The following CDH18 variants were observed in gnomAD, a reference collection of about 807,000 sequenced individuals.
CDH18 encodes the protein cadherin-18.
A neutral mutation model predicts 67.9 loss-of-function variants in CDH18; 31 were observed. The ratio of observed to expected loss-of-function variants is 0.46; its 90% CI spans 0.34 to 0.62. The LOEUF (loss-of-function observed/expected upper bound fraction) is 0.62, where lower values mean the gene tolerates loss of function less well. Among genes scored for constraint, CDH18 ranks in the 20% least tolerant of loss-of-function variants. The probability of loss-of-function intolerance (pLI) is 0.01; values close to 1 mark genes in which losing one functional copy is unlikely to be tolerated. For missense variants in CDH18, 890 were observed against 975.5 expected (o/e 0.91, Z 1.17); for synonymous variants, 362 against 347.2 (o/e 1.04, Z -0.48).
rs181860903 is a variant in CDH18 at position 20,164,253 on chromosome 5, C to A, written c.-518+91191G>T. On this transcript the variant is annotated intron_variant, in intron 2 of 14. Transcript: ENST00000507958. Reference sequence around the variant, plus strand: ...GAAAAGGAGCTAGTTTCTTAAATATCTTTCTAAATCATCCAGTATTTTGTT... The same window carrying A: ...GAAAAGGAGCTAGTTTCTTAAATATATTTCTAAATCATCCAGTATTTTGTT... Among the ~76,000 whole-genome samples, 335 of 152,184 alleles carry A rather than the reference C, an allele frequency of 2.2e-3. 2 individuals are homozygous for A. The highest frequency in any genetic ancestry group is 7.5e-3 in the African/African-American group (313 of 41,532).
Position 20,108,241 on chromosome 5 carries a change from G to C in CDH18, c.-517-116227C>G, listed in dbSNP as rs188698246. On this transcript the variant is annotated intron_variant, in intron 2 of 14. Coordinates refer to the CDH18 transcript ENST00000507958. ...ACTACAGGCATGTGCCACCACGCCC[G>C]GCTAATTTTATTTTATTTTTTTTTA... Among the ~76,000 whole-genome samples the C allele has an allele frequency of 2.1e-4, 32 of 150,266 alleles. 2 individuals are homozygous for C. In the East Asian group the frequency reaches 6.1e-3, roughly 28 times the overall value.
At chr5:20,525,553 A>G (rs1288315781) in intron 1 of CDH18, among the ~76,000 whole-genome samples, 1 of 152,050 alleles carries the variant, frequency 6.6e-6, no homozygotes, top group East Asian at 1.9e-4. Context: ...AAATGAGAAA[A>G]AGAGAAGGAG....
At chr5:19,817,670 G>C (rs1237506506) in intron 3 of CDH18, among the ~76,000 whole-genome samples, 2 of 151,990 alleles carry the variant, frequency 1.3e-5, no homozygotes, top group Non-Finnish European at 2.9e-5. Flanking sequence ...TACAACATTT[G>C]ATCATTCTAC....
intron 1 of CDH18, among the ~76,000 whole-genome samples, chr5:20,364,266 G>GAC (rs144767409): frequency 2.4e-3 from 360 of 149,586 alleles, no homozygotes; most frequent in African/African-American, 6.1e-3. Flanking sequence ...CACACACAGA[G>GAC]ACACACACAC....
At chr5:20,343,585 G>C (rs1291810713) in intron 1 of CDH18, among the ~76,000 whole-genome samples, 4 of 152,194 alleles carry the variant, frequency 2.6e-5, no homozygotes, top group Non-Finnish European at 5.9e-5. Context: ...AGAACAAGGA[G>C]TCCATAAAGC....
intron 6 of CDH18, among the ~76,000 whole-genome samples, chr5:19,597,384 C>T (rs1385152814): frequency 4.6e-5 from 7 of 152,178 alleles, no homozygotes; most frequent in Admixed American, 4.6e-4. Flanking sequence ...GAATGCTTTG[C>T]AACACAGGCA....
At chr5:19,580,688 T>A (rs770755457) in intron 7 of CDH18, among the ~76,000 whole-genome samples, 2 of 152,026 alleles carry the variant, frequency 1.3e-5, no homozygotes, top group Admixed American at 1.3e-4. Flanking sequence ...ATTGTTCCCA[T>A]CTACAAATGA....
intron 1 of CDH18, among the ~76,000 whole-genome samples, chr5:20,285,380 CATATAATATA>C (rs55913504): frequency 0.054 from 7,581 of 140,322 alleles, 338 homozygotes; most frequent in East Asian, 0.25. Context: ...GTAATATGGC[CATATAATATA>C]ATATAATATA....
At chr5:19,861,752 A>T in intron 2 of CDH18, among the ~76,000 whole-genome samples, 1 of 152,180 alleles carries the variant, frequency 6.6e-6, no homozygotes, top group East Asian at 1.9e-4. Context: ...TGAGGTGAAC[A>T]ACTGAAAAAA....
intron 4 of CDH18, among the ~76,000 whole-genome samples, chr5:19,741,960 A>G (rs1769266472): frequency 6.6e-6 from 1 of 152,192 alleles, no homozygotes; most frequent in Admixed American, 6.5e-5. Flanking sequence ...TTAATAGTGG[A>G]AAGATTGAAA....
chr5:19,991,220 G>T (rs1484315493), upstream of CDH18, among the ~76,000 whole-genome samples: 1 of 152,076 alleles, frequency 6.6e-6, no homozygotes, highest in Non-Finnish European at 1.5e-5. Context: ...CCTGAATAAG[G>T]GAGCAATGTA....
chr5:20,200,956 T>G (rs1739402036), intron 2 of CDH18, among the ~76,000 whole-genome samples: 1 of 152,168 alleles, frequency 6.6e-6, no homozygotes, highest in African/African-American at 2.4e-5. Context: ...TTTCTTATTT[T>G]CATTGTTTCC....
At chr5:20,194,956 A>G (rs375772180) in intron 2 of CDH18, among the ~76,000 whole-genome samples, 1 of 152,084 alleles carries the variant, frequency 6.6e-6, no homozygotes, top group East Asian at 1.9e-4. Flanking sequence ...TATTTTCATG[A>G]GGATGCTTTG....
chr5:20,051,255 A>C lies in CDH18; in HGVS notation c.-517-59241T>G, dbSNP rs1211016395. On this transcript the variant is annotated intron_variant, in intron 2 of 14. Transcript: ENST00000507958. Reference sequence around the variant, plus strand: ...AAAATTCTAAATCTGAAATATCCACACATTCATTTATTGAGCTCTCACTAT... The same window carrying C: ...AAAATTCTAAATCTGAAATATCCACCCATTCATTTATTGAGCTCTCACTAT... Among the ~76,000 whole-genome samples, 4 of 151,962 alleles carry C rather than the reference A, an allele frequency of 2.6e-5. No homozygotes were observed. The East Asian group carries it at 7.7e-4, about 29-fold the overall frequency.
In CDH18 at chr5:20,279,464, C is replaced by T. The variant is rs1244875876; in HGVS notation, c.-579-23959G>A. ...CTGTAATTCCAGCACTCTGGGAGGC[C>T]GAGGCAGGTGGATCACCTGAGGACA... On this transcript the variant is annotated intron_variant, in intron 1 of 14. Coordinates refer to the CDH18 transcript ENST00000507958. Among the ~76,000 whole-genome samples, 5 of 151,700 alleles carry T rather than the reference C, an allele frequency of 3.3e-5. 1 individual carries two copies. The highest frequency in any genetic ancestry group is 1.3e-4 in the Admixed American group (2 of 15,228).
intron 3 of CDH18, among the ~76,000 whole-genome samples, chr5:19,826,352 A>G (rs1780405403): frequency 6.6e-6 from 1 of 152,188 alleles, no homozygotes. Flanking sequence ...TAAGGAGGCC[A>G]ACACTCAAAT....
chr5:19,503,149 G>A, intron 10 of CDH18, 40 bp from the exon 11 acceptor site: 1 of 1,025,356 alleles, frequency 9.8e-7, no homozygotes, highest in Non-Finnish European at 1.5e-6. Flanking sequence ...ATTTAATTTT[G>A]CTTGTTCTCT....
At chr5:19,596,900 TAGAC>T (rs1438509411) in intron 6 of CDH18, among the ~76,000 whole-genome samples, 1 of 152,242 alleles carries the variant, frequency 6.6e-6, no homozygotes, top group African/African-American at 2.4e-5. Context: ...CAACTTTTAG[TAGAC>T]AGCCTTCAAG....
intron 1 of CDH18, among the ~76,000 whole-genome samples, chr5:20,323,468 A>C (rs1580750579): frequency 6.6e-6 from 1 of 152,348 alleles, no homozygotes; most frequent in South Asian, 2.1e-4. Context: ...TGTACTTGGC[A>C]TTAAACAGTG....
Sources: allele counts gnomAD v4.1 joint callset (sites outside exome capture counted in the v4.1 genomes callset), GRCh38; gene constraint gnomAD v4.1.1; transcripts MANE v1.5; gene names NCBI Gene and HGNC (gene_info 2026-07-23, HGNC 2026-07-21).